The following SUFU variants were observed in gnomAD, a reference collection of about 807,000 sequenced individuals.
The protein encoded by SUFU is SUFU negative regulator of hedgehog signaling.
In SUFU, 7 loss-of-function variants were observed where a neutral mutation model predicts 58.9. That is an observed-to-expected ratio of 0.12 (90% CI 0.07 to 0.22). The LOEUF (loss-of-function observed/expected upper bound fraction) is 0.22, where lower values mean the gene tolerates loss of function less well. Among genes scored for constraint, SUFU ranks in the 10% least tolerant of loss-of-function variants. SUFU has a pLI of 1.00. For synonymous variants in SUFU, 232 were observed against 254.8 expected, an observed-to-expected ratio of 0.91 and a Z score of 0.85; for missense variants, 451 against 641.3, an observed-to-expected ratio of 0.70 and a Z score of 3.20.
intron 2 of SUFU, among the ~76,000 whole-genome samples, chr10:102,529,619 C>T (rs891279638): frequency 6.6e-6 from 1 of 152,104 alleles, no homozygotes; most frequent in Non-Finnish European, 1.5e-5. Context: ...GAGCCATGAT[C>T]ATGCCACTGC....
Position 102,619,400 on chromosome 10 carries a change from C to T in SUFU, c.1296+1972C>T, listed in dbSNP as rs1448475393. On this transcript the variant is annotated intron_variant, in intron 10 of 11. Coordinates refer to ENST00000369902, the MANE Select transcript of SUFU (RefSeq NM_016169.4). This position sits in a 1 kb window ranked among gnomAD's most constrained non-coding sequence, Gnocchi z 4.2. ...GGCTGTTGCCCAGGGAACCGGGGCG[C>T]GGTGGGAACGAGCTGCTGGCCTCGG... The T allele has an allele frequency of 8.0e-6, 11 of 1,373,166 alleles. No individual in the cohort carries two copies. The highest frequency in any genetic ancestry group is 2.7e-4 in the Middle Eastern group (1 of 3,644). 85.1% of individuals were successfully genotyped at this position (1,373,166 alleles called of 1,614,324 possible).
intron 3 of SUFU, among the ~76,000 whole-genome samples, chr10:102,587,152 T>G (rs1490612779): frequency 6.6e-6 from 1 of 152,228 alleles, no homozygotes; most frequent in East Asian, 1.9e-4. Flanking sequence ...TGAATAATGC[T>G]GCTGTGAACA....
At chr10:102,539,554 C>T (rs2062776732) in intron 2 of SUFU, among the ~76,000 whole-genome samples, 1 of 152,152 alleles carries the variant, frequency 6.6e-6, no homozygotes, top group African/African-American at 2.4e-5. Context: ...TCTTGTTTCT[C>T]ATCAGATTTT....
intron 2 of SUFU, among the ~76,000 whole-genome samples, chr10:102,547,207 C>T (rs544286468): frequency 2.6e-5 from 4 of 152,258 alleles, no homozygotes; most frequent in African/African-American, 7.2e-5. Flanking sequence ...TTCCCTTTGC[C>T]CTACTGACCC....
intron 2 of SUFU, among the ~76,000 whole-genome samples, chr10:102,527,830 G>T (rs999945479): frequency 6.6e-6 from 1 of 152,196 alleles, no homozygotes; most frequent in African/African-American, 2.4e-5. Context: ...GCTTCCCAGA[G>T]TTCTGGAGGA....
At chr10:102,537,198 C>T (rs575757063) in intron 2 of SUFU, among the ~76,000 whole-genome samples, 1 of 148,684 alleles carries the variant, frequency 6.7e-6, no homozygotes, top group Admixed American at 6.8e-5. Flanking sequence ...AGTGGTGCAG[C>T]CACAACTTAC....
At chr10:102,588,237 C>T in intron 3 of SUFU, among the ~76,000 whole-genome samples, 1 of 151,702 alleles carries the variant, frequency 6.6e-6, no homozygotes, top group East Asian at 1.9e-4. Context: ...ACTAAAAATA[C>T]AAAAAATTAG....
At chr10:102,610,823 C>T (rs755874627) in intron 8 of SUFU, among the ~76,000 whole-genome samples, 2 of 152,180 alleles carry the variant, frequency 1.3e-5, no homozygotes, top group East Asian at 1.9e-4. Context: ...AGTTCTTCTG[C>T]TCCTAGCTCC....
chr10:102,582,266 G>C (rs577880560), intron 3 of SUFU, among the ~76,000 whole-genome samples: 4 of 152,244 alleles, frequency 2.6e-5, no homozygotes, highest in African/African-American at 9.6e-5. Flanking sequence ...CTGTACTTTT[G>C]CACAGAAGGG....
intron 8 of SUFU, among the ~76,000 whole-genome samples, chr10:102,605,926 A>G (rs552965099): frequency 6.8e-4 from 103 of 152,342 alleles, no homozygotes; most frequent in African/African-American, 2.4e-3. Flanking sequence ...TGTCCACTGC[A>G]GACGTCATGA....
intron 3 of SUFU, among the ~76,000 whole-genome samples, chr10:102,587,121 G>C (rs2063342791): frequency 6.6e-6 from 1 of 152,142 alleles, no homozygotes; most frequent in Non-Finnish European, 1.5e-5. Flanking sequence ...CATTTGGGTT[G>C]TTTCCACCTT....
At chr10:102,575,339 A>G (rs2063203366) in intron 3 of SUFU, among the ~76,000 whole-genome samples, 1 of 152,186 alleles carries the variant, frequency 6.6e-6, no homozygotes, top group Non-Finnish European at 1.5e-5. Flanking sequence ...TGAAACTGCT[A>G]ATTTATAAAG....
At chr10:102,542,626 CT>C (rs55957762) in intron 2 of SUFU, among the ~76,000 whole-genome samples, 103,626 of 112,118 alleles carry the variant, frequency 0.92, 47,668 homozygotes, top group Middle Eastern at 0.96. Context: ...TCCTTTTGCT[CT>C]TTTTTTTTTT....
intron 2 of SUFU, among the ~76,000 whole-genome samples, chr10:102,528,140 T>A (rs1364939876): frequency 6.6e-6 from 1 of 152,168 alleles, no homozygotes; most frequent in African/African-American, 2.4e-5. Flanking sequence ...CCCTGGGGGC[T>A]GGCTGACCTT....
chr10:102,600,933 A>G (rs1316124306), intron 8 of SUFU, among the ~76,000 whole-genome samples: 1 of 152,160 alleles, frequency 6.6e-6, no homozygotes, highest in African/African-American at 2.4e-5. Context: ...ATCCCCTGGC[A>G]GCAGCAGATG....
intron 8 of SUFU, among the ~76,000 whole-genome samples, chr10:102,609,536 C>T (rs187957710): frequency 2.6e-4 from 39 of 152,336 alleles, no homozygotes; most frequent in Non-Finnish European, 5.1e-4. Context: ...TTTTGTACTT[C>T]TCTTTGGAGC....
At chr10:102,548,538 G>A (rs2062877352) in intron 2 of SUFU, among the ~76,000 whole-genome samples, 1 of 152,166 alleles carries the variant, frequency 6.6e-6, no homozygotes, top group South Asian at 2.1e-4. Context: ...TTAGTTTATG[G>A]TTTGTGTTTG....
Position 102,550,091 on chromosome 10 carries a change from T to C in SUFU, c.439T>C (p.Tyr147His). The C allele has an allele frequency of 6.2e-7, 1 of 1,614,210 alleles. No homozygotes were observed. Among genetic ancestry groups the C allele is most frequent in the Non-Finnish European group, 8.5e-7 (1 of 1,180,036 alleles). ...AGAGTTAATGCAGGGCTTGGCACGA[T>C]ACGTGTTCCAGTCAGGTAGGAGGCC... is the stretch of plus-strand genomic sequence containing the variant. Reference protein sequence around the residue: ...PAELMQGLARYVFQSENTFCS... With the variant: ...PAELMQGLARHVFQSENTFCS... The change falls in exon 3 of 12, where the codon TAC becomes CAC. Residue 147 changes from tyrosine (Y) to histidine (H), a missense_variant. Transcript: ENST00000369902.
rs535468732 is a variant in SUFU, at chr10:102,626,324, G to A, written c.1297-851G>A. Among the ~76,000 whole-genome samples, 5 of 152,260 alleles carry A rather than the reference G, an allele frequency of 3.3e-5. No homozygotes were observed. In the South Asian group the frequency reaches 1.0e-3, roughly 32 times the overall value. On this transcript the variant is annotated intron_variant, in intron 10 of 11. Transcript: ENST00000369902. Reference sequence around the variant, plus strand: ...AGATTGAGGAAGGCCGGTTTTAGAGGGCCTGAGAGCCCTTGGACGTTGGTA... The same window carrying A: ...AGATTGAGGAAGGCCGGTTTTAGAGAGCCTGAGAGCCCTTGGACGTTGGTA...
Sources: gnomAD v4.1 joint callset for allele counts (sites outside exome capture counted in the v4.1 genomes callset) on GRCh38, gnomAD v4.1.1 for gene constraint, Gnocchi (gnomAD v3.1) non-coding constraint, MANE v1.5 for transcripts, NCBI Gene and HGNC (gene_info 2026-07-23, HGNC 2026-07-21) for gene names.